RBFOX1: variants seen among roughly 807,000 people sequenced by gnomAD.
The protein encoded by RBFOX1 is RNA binding fox-1 homolog 1, also known as RNA binding protein fox-1 homolog 1.
RBFOX1 carries 8 observed loss-of-function variants against 57.7 expected under a neutral mutation model. That is an observed-to-expected ratio of 0.14 (90% CI 0.08 to 0.25). The LOEUF is 0.25. Among genes scored for constraint, RBFOX1 ranks in the 10% least tolerant of loss-of-function variants. RBFOX1 has a pLI of 1.00. For synonymous variants in RBFOX1, 326 were observed against 222.4 expected, an observed-to-expected ratio of 1.47 and a Z score of -4.15; for missense variants, 611 against 548.5, an observed-to-expected ratio of 1.11 and a Z score of -1.14.
At chr16:6,240,255 A>G (rs1254337549) in intron 1 of RBFOX1, among the ~76,000 whole-genome samples, 3 of 152,114 alleles carry the variant, frequency 2.0e-5, no homozygotes, top group Non-Finnish European at 4.4e-5. Flanking sequence ...TAAATTACCC[A>G]GTCTCAGGTA....
intron 1 of RBFOX1, among the ~76,000 whole-genome samples, chr16:6,129,760 C>G (rs997003032): frequency 1.5e-5 from 2 of 136,466 alleles, no homozygotes; most frequent in African/African-American, 5.5e-5. Context: ...AAAAAAAAAC[C>G]ATAGATAATA....
intron 1 of RBFOX1, among the ~76,000 whole-genome samples, chr16:5,409,722 GTC>G (rs1270575428): frequency 6.6e-6 from 1 of 152,114 alleles, no homozygotes; most frequent in Non-Finnish European, 1.5e-5. Flanking sequence ...GAGATGGTGT[GTC>G]TGTGCTCTAA....
chr16:6,855,743 A>G (rs926341829), intron 3 of RBFOX1, among the ~76,000 whole-genome samples: 4 of 151,716 alleles, frequency 2.6e-5, no homozygotes, highest in African/African-American at 9.7e-5. Flanking sequence ...GGATTCATTT[A>G]ATTGCGCAGC....
intron 1 of RBFOX1, chr16:6,057,213 G>C (rs2095625370): frequency 6.6e-6 from 1 of 152,128 alleles, no homozygotes; most frequent in Non-Finnish European, 1.5e-5. Context: ...GATATTTACA[G>C]TGCTTAAATA....
chr16:5,526,106 C>G (rs1171634580), intron 2 of RBFOX1, among the ~76,000 whole-genome samples: 2 of 152,030 alleles, frequency 1.3e-5, no homozygotes, highest in African/African-American at 4.8e-5. Context: ...CTTTTATTTT[C>G]TCAGCCTCCT....
At chr16:6,803,071 T>G (rs2085875405) in intron 3 of RBFOX1, among the ~76,000 whole-genome samples, 1 of 152,158 alleles carries the variant, frequency 6.6e-6, no homozygotes, top group African/African-American at 2.4e-5. Context: ...TTACTTTGTG[T>G]GTGTGTTTAA....
chr16:6,860,876 A>T lies in RBFOX1; in HGVS notation c.-15-191181A>T, dbSNP rs575158682. On this transcript the variant is annotated intron_variant, in intron 3 of 15. Coordinates refer to ENST00000550418, the MANE Select transcript of RBFOX1 (RefSeq NM_018723.4). ...TCAAAAATATATAAATGTATTCAAA[A>T]ATAGATATTCCAAAATATACATTTA... is the stretch of plus-strand genomic sequence containing the variant. Among the ~76,000 whole-genome samples, 15 of 152,316 alleles carry T rather than the reference A, an allele frequency of 9.8e-5. 1 individual carries two copies. Among genetic ancestry groups the T allele is most frequent in the African/African-American group, 3.6e-4 (15 of 41,570 alleles).
At chr16:7,557,216 C>T (rs749561788) in intron 5 of RBFOX1, among the ~76,000 whole-genome samples, 10 of 152,110 alleles carry the variant, frequency 6.6e-5, no homozygotes, top group Non-Finnish European at 1.3e-4. Flanking sequence ...GGTGTTTCTT[C>T]CTATAGCTGA....
chr16:7,553,370 C>G (rs1206781127), intron 5 of RBFOX1, among the ~76,000 whole-genome samples: 2 of 152,128 alleles, frequency 1.3e-5, no homozygotes, highest in Non-Finnish European at 2.9e-5. Context: ...GTCTCAAACT[C>G]CTGGCCCCAA....
chr16:5,984,946 T>TTTTATATATATATATATA lies in RBFOX1; in HGVS notation c.351+117612_351+117613insTTATATATATATATATAT, dbSNP rs1450037668. ...GGTACACCTGTATAGGGCAACTCCA[T>TTTTATATATATATATATA]TATATATATATATATATATATATAT... On this transcript the variant is annotated intron_variant, in intron 4 of 19. Coordinates refer to the RBFOX1 transcript ENST00000641259. 1.0e-4 allele frequency among the ~76,000 whole-genome samples: 7 copies of TTTTATATATATATATATA among 69,654 alleles called. No homozygotes were observed. The South Asian group carries it at 1.9e-3, about 19-fold the overall frequency. The allele number at this position is 69,654 out of a possible 152,430, so 45.7% of individuals were successfully genotyped here.
intron 4 of RBFOX1, among the ~76,000 whole-genome samples, chr16:7,061,134 A>C (rs2054132709): frequency 6.6e-6 from 1 of 152,216 alleles, no homozygotes; most frequent in Non-Finnish European, 1.5e-5. Context: ...ATTTTCTCCA[A>C]GCAAAGGGAG....
At chr16:5,972,200 T>C (rs735918) in intron 4 of RBFOX1, among the ~76,000 whole-genome samples, 72,533 of 152,002 alleles carry the variant, frequency 0.48, 18,119 homozygotes, top group East Asian at 0.71. Context: ...TACACACACA[T>C]AAGCACACAC....
chr16:5,452,450 T>C (rs1254574239), intron 1 of RBFOX1, among the ~76,000 whole-genome samples: 4 of 152,050 alleles, frequency 2.6e-5, no homozygotes, highest in African/African-American at 9.7e-5. Context: ...TGATTGTCAC[T>C]GGATACTACA....
intron 1 of RBFOX1, among the ~76,000 whole-genome samples, chr16:6,022,927 A>T (rs2095111525): frequency 6.6e-6 from 1 of 152,152 alleles, no homozygotes; most frequent in African/African-American, 2.4e-5. Flanking sequence ...TGACTGTTTT[A>T]AGGATAGTAT....
intron 3 of RBFOX1, among the ~76,000 whole-genome samples, chr16:5,704,237 T>G (rs2051155164): frequency 6.6e-6 from 1 of 152,092 alleles, no homozygotes; most frequent in Admixed American, 6.5e-5. Flanking sequence ...GATAAAACAG[T>G]AATAATTTGG....
At chr16:7,140,153 T>TCTCC (rs200593300) in intron 4 of RBFOX1, among the ~76,000 whole-genome samples, 3 of 126,654 alleles carry the variant, frequency 2.4e-5, no homozygotes, top group African/African-American at 1.1e-4. Flanking sequence ...TCTCTCCTTC[T>TCTCC]CTCCCTCTCT....
intron 4 of RBFOX1, among the ~76,000 whole-genome samples, chr16:7,460,370 A>AAAAAATATATAT (rs1251870828): frequency 2.6e-5 from 2 of 76,036 alleles, no homozygotes; most frequent in African/African-American, 1.4e-4. Context: ...CATTTAGCAA[A>AAAAAATATATAT]ATATATATAT....
At chr16:6,870,731 C>A (rs562969274) in intron 3 of RBFOX1, among the ~76,000 whole-genome samples, 1 of 152,128 alleles carries the variant, frequency 6.6e-6, no homozygotes, top group Non-Finnish European at 1.5e-5. Context: ...AATTATTTCA[C>A]CACCAAAACT....
intron 4 of RBFOX1, among the ~76,000 whole-genome samples, chr16:7,221,343 G>A (rs200162207): frequency 6.0e-5 from 4 of 67,210 alleles, no homozygotes; most frequent in East Asian, 1.7e-3. Context: ...ATTTTTATTT[G>A]ATTATTTATT....
Sources: allele counts gnomAD v4.1 joint callset (sites outside exome capture counted in the v4.1 genomes callset), GRCh38; gene constraint gnomAD v4.1.1; transcripts MANE v1.5; gene names NCBI Gene and HGNC (gene_info 2026-07-23, HGNC 2026-07-21).